The following TENM3 variants were observed in gnomAD, a reference collection of about 807,000 sequenced individuals.
TENM3 encodes teneurin-3.
In TENM3, 63 loss-of-function variants were observed where a neutral mutation model predicts 255.1. The observed-to-expected ratio is 0.25, with a 90% confidence interval of 0.20 to 0.30. The LOEUF is 0.30. Among genes scored for constraint, TENM3 ranks in the 10% least tolerant of loss-of-function variants. TENM3 has a pLI of 1.00. For missense variants in TENM3, 2,929 were observed against 3,461.1 expected (o/e 0.85, Z 3.86); for synonymous variants, 1,306 against 1,322.3 (o/e 0.99, Z 0.27).
At chr4:181,933,806 C>T in the TENM3 span, among the ~76,000 whole-genome samples, 1 of 152,058 alleles carries the variant, frequency 6.6e-6, no homozygotes, top group Non-Finnish European at 1.5e-5. Context: ...AGTCAGCCTA[C>T]GATATCACAA....
At chr4:182,500,669 G>C (rs958832783) in intron 3 of TENM3, among the ~76,000 whole-genome samples, 3 of 152,036 alleles carry the variant, frequency 2.0e-5, no homozygotes, top group African/African-American at 7.2e-5. Context: ...TATTGTAAGA[G>C]AGACAAATGT....
At chr4:181,874,041 C>T in the TENM3 span, among the ~76,000 whole-genome samples, 11 of 152,228 alleles carry the variant, frequency 7.2e-5, 1 homozygote, top group South Asian at 4.2e-4. Context: ...CCTTAGCCTC[C>T]CAAAGTGCTG....
the TENM3 span, among the ~76,000 whole-genome samples, chr4:182,087,141 C>A: frequency 0.049 from 7,385 of 152,182 alleles, 217 homozygotes; most frequent in South Asian, 0.085. Flanking sequence ...TCTGAGTTTC[C>A]CCCTGTCTGT....
chr4:182,607,624 G>C (rs1214516519), intron 4 of TENM3, among the ~76,000 whole-genome samples: 1 of 152,122 alleles, frequency 6.6e-6, no homozygotes, highest in African/African-American at 2.4e-5. Context: ...AGTCTTTTGT[G>C]CATGATAAAA....
chr4:181,811,187 TTG>T, the TENM3 span, among the ~76,000 whole-genome samples: 1 of 152,154 alleles, frequency 6.6e-6, no homozygotes, highest in Non-Finnish European at 1.5e-5. Flanking sequence ...GCCTTGAAAA[TTG>T]AAAGGATCAC....
the TENM3 span, among the ~76,000 whole-genome samples, chr4:182,018,761 A>G: frequency 6.6e-6 from 1 of 152,150 alleles, no homozygotes; most frequent in Non-Finnish European, 1.5e-5. Context: ...ATTTTACTGC[A>G]TATTTTGAGA....
intron 4 of TENM3, among the ~76,000 whole-genome samples, chr4:182,615,810 G>A (rs943431462): frequency 2.4e-4 from 36 of 152,066 alleles, no homozygotes; most frequent in African/African-American, 7.5e-4. Flanking sequence ...TGGATTGAGC[G>A]TTGTATAACT....
the TENM3 span, among the ~76,000 whole-genome samples, chr4:182,053,979 G>A: frequency 1.3e-5 from 2 of 152,126 alleles, no homozygotes; most frequent in African/African-American, 2.4e-5. Context: ...CGAGTCTGTA[G>A]GTTGAAGACA....
chr4:182,319,834 G>A (rs896681116), intron 1 of TENM3, among the ~76,000 whole-genome samples: 1 of 152,144 alleles, frequency 6.6e-6, no homozygotes, highest in East Asian at 1.9e-4. Context: ...AAATGGGGCC[G>A]GGCACTGCAG....
chr4:182,783,250 G>C (rs1765331521), intron 24 of TENM3, among the ~76,000 whole-genome samples: 1 of 152,144 alleles, frequency 6.6e-6, no homozygotes, highest in Non-Finnish European at 1.5e-5. Flanking sequence ...GGGCAGGCCT[G>C]GTGGTGACAA....
At chr4:181,906,233 A>T in the TENM3 span, 1 of 214,536 alleles carries the variant, frequency 4.7e-6, no homozygotes, top group Non-Finnish European at 9.4e-6. Context: ...TTGCATAGTA[A>T]GTCTTTAAAT....
At chr4:182,606,678 T>C (rs1474724321) in intron 4 of TENM3, among the ~76,000 whole-genome samples, 2 of 152,156 alleles carry the variant, frequency 1.3e-5, no homozygotes, top group African/African-American at 4.8e-5. Context: ...TCTAGGAAAG[T>C]TTGAGATAAA....
the TENM3 span, among the ~76,000 whole-genome samples, chr4:181,914,271 G>A: frequency 2.0e-5 from 3 of 152,046 alleles, no homozygotes; most frequent in Non-Finnish European, 4.4e-5. Context: ...AATACCTTTT[G>A]CCTTTGCTAA....
intron 1 of TENM3, among the ~76,000 whole-genome samples, chr4:182,283,569 A>G (rs961134450): frequency 6.6e-6 from 1 of 152,194 alleles, no homozygotes; most frequent in Admixed American, 6.5e-5. Flanking sequence ...GGCTCCCAAG[A>G]TGGAGTGGCA....
chr4:182,765,512 C>T (rs1349997869), intron 22 of TENM3, among the ~76,000 whole-genome samples: 3 of 152,294 alleles, frequency 2.0e-5, no homozygotes, highest in East Asian at 3.9e-4. Flanking sequence ...CTCTGCCTCC[C>T]CTTACTTCTT....
At chr4:182,242,924 G>A, upstream of TENM3, among the ~76,000 whole-genome samples, 1 of 152,214 alleles carries the variant, frequency 6.6e-6, no homozygotes, top group South Asian at 2.1e-4. Flanking sequence ...TGTATTAGAA[G>A]CGGAGGCTAA....
the TENM3 span, among the ~76,000 whole-genome samples, chr4:181,515,184 A>G: frequency 6.6e-6 from 1 of 152,180 alleles, no homozygotes; most frequent in African/African-American, 2.4e-5. Context: ...AGTTTGTGCA[A>G]ATGATTAAGG....
chr4:181,858,121 C>T, the TENM3 span, among the ~76,000 whole-genome samples: 3 of 152,170 alleles, frequency 2.0e-5, no homozygotes, highest in East Asian at 5.8e-4. Context: ...TATGTTGAGA[C>T]AGGGTCCCAC....
intron 10 of TENM3, among the ~76,000 whole-genome samples, chr4:182,680,952 T>A (rs2152565896): frequency 6.6e-6 from 1 of 152,306 alleles, no homozygotes; most frequent in East Asian, 1.9e-4. Flanking sequence ...GCACTGTGAA[T>A]CATTCCTTTT....
Sources: gnomAD v4.1 joint callset for allele counts (sites outside exome capture counted in the v4.1 genomes callset) on GRCh38, gnomAD v4.1.1 for gene constraint, MANE v1.5 for transcripts, NCBI Gene and HGNC (gene_info 2026-07-23, HGNC 2026-07-21) for gene names.